UTRN: variants seen among roughly 807,000 people sequenced by gnomAD.
The protein encoded by UTRN is utrophin.
In UTRN, 283 loss-of-function variants were observed where a neutral mutation model predicts 463.9. That is an observed-to-expected ratio of 0.61 (90% CI 0.55 to 0.67). The LOEUF is 0.67. Among genes scored for constraint, UTRN ranks in the 30% least tolerant of loss-of-function variants. The pLI, the probability that UTRN is intolerant of heterozygous loss-of-function variation, is 0.00. For synonymous variants in UTRN, 1,442 were observed against 1,431.5 expected, an observed-to-expected ratio of 1.01 and a Z score of -0.17; for missense variants, 3,922 against 4,084.3, an observed-to-expected ratio of 0.96 and a Z score of 1.08.
At chr6:144,357,280 C>T (rs895775052) in intron 2 of UTRN, among the ~76,000 whole-genome samples, 1 of 152,072 alleles carries the variant, frequency 6.6e-6, no homozygotes, top group Non-Finnish European at 1.5e-5. Context: ...CATTTCCGCA[C>T]GATGATATGT....
intron 35 of UTRN, among the ~76,000 whole-genome samples, chr6:144,511,478 G>T (rs992176430): frequency 1.3e-5 from 2 of 152,104 alleles, no homozygotes; most frequent in Non-Finnish European, 2.9e-5. Context: ...TGGCATACTG[G>T]TTAAGAGCAC....
rs11397588 is a variant in UTRN at position 144,819,911 on chromosome 6, C to CCTCCTCCTCCTCTCTCT, written c.9358-968_9358-967insCTCCTCCTCTCTCTCTC. Among the ~76,000 whole-genome samples, 15 of 118,628 alleles carry CCTCCTCCTCCTCTCTCT rather than the reference C, an allele frequency of 1.3e-4. No individual in the cohort carries two copies. The South Asian group carries it at 1.7e-3, about 13-fold the overall frequency. The allele number at this position is 118,628 out of a possible 152,430, so 77.8% of individuals were successfully genotyped here. Reference sequence around the variant, plus strand: ...TCCTCCTCCTCCTCCTCCTCCTCCTCCTCTCTCTCTCTCTCTCTCTCTTTC... The same window carrying CCTCCTCCTCCTCTCTCT: ...TCCTCCTCCTCCTCCTCCTCCTCCTCCTCCTCCTCCTCTCTCTCTCTCTCTCTCTCTCTCTCTCTTTC... On this transcript the variant is annotated intron_variant, in intron 65 of 74. Coordinates refer to ENST00000367545, the MANE Select transcript of UTRN (RefSeq NM_007124.3).
In UTRN at chr6:144,499,237, C is replaced by T; in HGVS notation, c.4594-20C>T. On this transcript the variant is annotated intron_variant, in intron 33 of 74. Transcript: ENST00000367545. ...ATTCCCATCTCAGTCTCAGTCTCTC[C>T]CTGCCTCTCTCCGTCTCAGGTGACA... is the stretch of plus-strand genomic sequence containing the variant. 1.2e-6 allele frequency: 2 copies of T among 1,606,024 alleles called. No individual in the cohort carries two copies. Among genetic ancestry groups the T allele is most frequent in the Non-Finnish European group, 8.5e-7 (1 of 1,174,402 alleles).
At chr6:144,657,110 CGTG>C (rs1779386990) in intron 51 of UTRN, among the ~76,000 whole-genome samples, 1 of 152,018 alleles carries the variant, frequency 6.6e-6, no homozygotes, top group South Asian at 2.1e-4. Flanking sequence ...ATTAGCCAGG[CGTG>C]GTGGCGCATG....
chr6:144,653,345 G>A (rs1003003098), intron 51 of UTRN, among the ~76,000 whole-genome samples: 4 of 152,056 alleles, frequency 2.6e-5, no homozygotes, highest in Non-Finnish European at 5.9e-5. Context: ...TAGCACTTTG[G>A]GAGGCTGAGG....
At chr6:144,795,876 TTTTG>T (rs201036499) in intron 63 of UTRN, among the ~76,000 whole-genome samples, 6,524 of 152,132 alleles carry the variant, frequency 0.043, 163 homozygotes, top group South Asian at 0.074. Flanking sequence ...TTTGTTTGTT[TTTTG>T]TTTGTTTGTT....
At chr6:144,822,908 A>G (rs1392385047) in intron 66 of UTRN, among the ~76,000 whole-genome samples, 2 of 151,684 alleles carry the variant, frequency 1.3e-5, no homozygotes, top group East Asian at 1.9e-4. Flanking sequence ...TTGCTAAACC[A>G]TTGGCATTTT....
At chr6:144,372,972 T>A (rs1431461013) in intron 2 of UTRN, among the ~76,000 whole-genome samples, 1 of 152,202 alleles carries the variant, frequency 6.6e-6, no homozygotes, top group Non-Finnish European at 1.5e-5. Flanking sequence ...TAGCGAAATT[T>A]TTCTACTTTG....
At chr6:144,616,812 T>C (rs908577144) in intron 51 of UTRN, among the ~76,000 whole-genome samples, 7 of 152,266 alleles carry the variant, frequency 4.6e-5, no homozygotes, top group African/African-American at 1.7e-4. Context: ...TTATAAATTG[T>C]GAGCCTGTGT....
rs772700099 is a variant in UTRN at position 144,447,712 on chromosome 6, C to T, written c.1833C>T (p.Asn611=). The change falls in exon 16 of 75, where the codon AAC becomes AAT. Residue 611 remains asparagine, a synonymous_variant. Transcript: ENST00000367545. The part of the protein sequence containing the change: ...LDNSKASKKI[N]SDSEELTQRW... ...ATTCCAAGGCATCTAAGAAGATCAACAGTGACTCAGAGGAACTGACTCAAA... is the reference window on the plus strand; with the variant it reads ...ATTCCAAGGCATCTAAGAAGATCAATAGTGACTCAGAGGAACTGACTCAAA... 8 of 1,614,020 alleles carry T rather than the reference C, an allele frequency of 5.0e-6. No homozygotes were observed. Among genetic ancestry groups the T allele is most frequent in the Middle Eastern group, 1.6e-4 (1 of 6,062 alleles).
At chr6:144,641,244 G>C (rs1777729855) in intron 51 of UTRN, among the ~76,000 whole-genome samples, 1 of 152,092 alleles carries the variant, frequency 6.6e-6, no homozygotes, top group African/African-American at 2.4e-5. Context: ...ACATTGGTTC[G>C]ATCTGGAAGG....
chr6:144,692,555 T>C (rs1296440376), intron 52 of UTRN, among the ~76,000 whole-genome samples: 1 of 152,146 alleles, frequency 6.6e-6, no homozygotes, highest in Non-Finnish European at 1.5e-5. Flanking sequence ...TCAGCATCTG[T>C]TATATTTTGA....
At chr6:144,730,780 TTTATA>T (rs1334346469) in intron 54 of UTRN, among the ~76,000 whole-genome samples, 3 of 151,608 alleles carry the variant, frequency 2.0e-5, no homozygotes, top group African/African-American at 4.8e-5. Context: ...GAAATAAAAA[TTTATA>T]TTATATTTAA....
intron 6 of UTRN, among the ~76,000 whole-genome samples, chr6:144,426,041 T>C (rs1785264783): frequency 6.6e-6 from 1 of 152,190 alleles, no homozygotes; most frequent in South Asian, 2.1e-4. Context: ...TTGCTTAAGA[T>C]ATAGAAAACA....
chr6:144,774,280 T>C lies in UTRN; in HGVS notation c.8558-10T>C. The C allele has an allele frequency of 6.3e-7, 1 of 1,594,840 alleles. No individual in the cohort carries two copies. Among genetic ancestry groups the C allele is most frequent in the Non-Finnish European group, 8.5e-7 (1 of 1,174,284 alleles). On this transcript the variant is annotated splice_polypyrimidine_tract_variant and intron_variant, in intron 59 of 74. Coordinates refer to ENST00000367545, the MANE Select transcript of UTRN (RefSeq NM_007124.3). ...AGCCTATCTTCAAATTGTTTCTTTT[T>C]CTATTTCAGCTGACCTGAATAATGT...
chr6:144,469,180 T>C, intron 23 of UTRN, among the ~76,000 whole-genome samples: 1 of 152,194 alleles, frequency 6.6e-6, no homozygotes, highest in East Asian at 1.9e-4. Flanking sequence ...CAAGCATTAA[T>C]GTTGGCAGCA....
At chr6:144,305,416 G>GT (rs1470061285) in intron 2 of UTRN, among the ~76,000 whole-genome samples, 1 of 152,144 alleles carries the variant, frequency 6.6e-6, no homozygotes, top group Non-Finnish European at 1.5e-5. Flanking sequence ...AGGTTCTTCA[G>GT]TTTTATCTAT....
chr6:144,549,678 G>A (rs1391350941), intron 47 of UTRN, among the ~76,000 whole-genome samples: 1 of 152,220 alleles, frequency 6.6e-6, no homozygotes, highest in African/African-American at 2.4e-5. Flanking sequence ...CTTCTCCAGT[G>A]ATGGAAAGCA....
chr6:144,483,237 G>T (rs181824558), intron 27 of UTRN, among the ~76,000 whole-genome samples: 23 of 152,210 alleles, frequency 1.5e-4, no homozygotes, highest in Admixed American at 2.0e-4. Flanking sequence ...TATCATTGAG[G>T]CAAGTTAGTA....
Sources: gnomAD v4.1 joint callset for allele counts (sites outside exome capture counted in the v4.1 genomes callset) on GRCh38, gnomAD v4.1.1 for gene constraint, MANE v1.5 for transcripts, NCBI Gene and HGNC (gene_info 2026-07-23, HGNC 2026-07-21) for gene names.